The following TTLL5 variants were observed in gnomAD, a reference collection of about 807,000 sequenced individuals.
TTLL5 encodes the protein tubulin polyglutamylase TTLL5.
TTLL5 carries 132 observed loss-of-function variants against 168.4 expected under a neutral mutation model. The ratio of observed to expected loss-of-function variants is 0.78; its 90% CI spans 0.68 to 0.91. The LOEUF (loss-of-function observed/expected upper bound fraction) is 0.91. Among genes scored for constraint, TTLL5 ranks in the 40% least tolerant of loss-of-function variants. TTLL5 has a pLI of 0.00. For synonymous variants in TTLL5, 546 were observed against 558.6 expected, an observed-to-expected ratio of 0.98 and a Z score of 0.32; for missense variants, 1,545 against 1,581.5, an observed-to-expected ratio of 0.98 and a Z score of 0.39.
intron 12 of TTLL5, among the ~76,000 whole-genome samples, chr14:75,730,927 C>T (rs1367117903): frequency 6.6e-6 from 1 of 152,024 alleles, no homozygotes; most frequent in Non-Finnish European, 1.5e-5. Flanking sequence ...ACCATGTTGG[C>T]CAGGGTGGTC....
intron 28 of TTLL5, among the ~76,000 whole-genome samples, chr14:75,833,112 A>T (rs142809678): frequency 6.6e-6 from 1 of 152,204 alleles, no homozygotes; most frequent in Non-Finnish European, 1.5e-5. Context: ...TGCCCTTATC[A>T]GCACCTCTCA....
chr14:75,694,696 A>C (rs902207712), intron 6 of TTLL5, among the ~76,000 whole-genome samples: 4 of 152,226 alleles, frequency 2.6e-5, no homozygotes, highest in Admixed American at 1.3e-4. Context: ...GCAGAGTAAC[A>C]TAAATTGTGA....
At chr14:75,840,576 C>T (rs1456848400) in intron 28 of TTLL5, among the ~76,000 whole-genome samples, 2 of 152,036 alleles carry the variant, frequency 1.3e-5, no homozygotes, top group Non-Finnish European at 2.9e-5. Context: ...GAGGGAACTA[C>T]GCAAGGATGT....
chr14:75,904,199 CTCCA>C, intron 31 of TTLL5: 2 of 1,173,048 alleles, frequency 1.7e-6, no homozygotes, highest in Non-Finnish European at 1.1e-6. Context: ...CACCTCACTC[CTCCA>C]AAAAAAAAAA....
intron 5 of TTLL5, chr14:75,683,917 G>A (rs558395693): frequency 6.2e-6 from 2 of 322,018 alleles, no homozygotes; most frequent in African/African-American, 2.2e-5. Flanking sequence ...GGGAATACAA[G>A]CTTGCACCAC....
At chr14:75,882,624 T>C (rs966765412) in intron 29 of TTLL5, 61 bp from the exon 30 acceptor site, 43 of 1,448,412 alleles carry the variant, frequency 3.0e-5, no homozygotes, top group Non-Finnish European at 4.1e-5. Flanking sequence ...ACTAGTTACA[T>C]ACAGTAAATG....
intron 31 of TTLL5, among the ~76,000 whole-genome samples, chr14:75,935,545 T>TGGGAGGATC (rs1331689182): frequency 8.5e-5 from 13 of 152,176 alleles, no homozygotes; most frequent in Non-Finnish European, 1.8e-4. Context: ...AGATGGATGG[T>TGGGAGGATC]GGGAGGATCC....
Position 75,683,575 on chromosome 14 carries a change from A to G in TTLL5, c.290A>G (p.Asn97Ser). The G allele has an allele frequency of 6.2e-7, 1 of 1,613,874 alleles. No homozygotes were observed. Among genetic ancestry groups the G allele is most frequent in the African/African-American group, 1.3e-5 (1 of 74,974 alleles). ...GTTCACCCAAGCAGCACTGACTATA[A>G]CCTAATGTGGACAGGATCCCACCTG... ...HEVHPSSTDY[N>S]LMWTGSHLKP... Residue 97 changes from asparagine to serine, a missense_variant, in exon 5 of 32, where the codon AAC becomes AGC. Transcript: ENST00000298832.
rs753301288 is a variant in TTLL5, at chr14:75,764,754, A to G, written c.1690A>G (p.Met564Val). 8.1e-6 allele frequency: 13 copies of G among 1,614,044 alleles called. No individual in the cohort carries two copies. Among genetic ancestry groups the G allele is most frequent in the Admixed American group, 1.7e-5 (1 of 60,006 alleles). The part of the protein sequence containing the change: ...RRRRSSRLRA[M>V]RPKYPVITQP... ...ACGACGGAGTAGCAGATTGAGGGCA[A>G]TGAGGCCAAAATACCCAGGTACCTG... The change falls in exon 19 of 32, where the codon ATG becomes GTG. Residue 564 changes from methionine to valine, a missense_variant. Coordinates refer to ENST00000298832, the MANE Select transcript of TTLL5 (RefSeq NM_015072.5).
Position 75,699,241 on chromosome 14 carries a change from A to T in TTLL5, c.556A>T (p.Arg186Trp). Residue 186 changes from arginine (R) to tryptophan (W), a missense_variant, in exon 7 of 32, where the codon AGG becomes TGG. By Grantham distance (101) the Arg-to-Trp change is moderately radical. Transcript: ENST00000298832. ...GATAGTAAAACCAGTGGCATCTTCA[A>T]GGGGGCGGGGCGTCTACCTGATCAA... ...PWIVKPVASS[R>W]GRGVYLINNP... 6.2e-7 allele frequency: 1 copy of T among 1,613,988 alleles called. No individual in the cohort carries two copies. Among genetic ancestry groups the T allele is most frequent in the Non-Finnish European group, 8.5e-7 (1 of 1,179,942 alleles).
chr14:75,715,572 C>T (rs1887387914), intron 9 of TTLL5, among the ~76,000 whole-genome samples: 1 of 152,094 alleles, frequency 6.6e-6, no homozygotes, highest in Non-Finnish European at 1.5e-5. Flanking sequence ...AACATGCACA[C>T]CTTTTCTCTC....
chr14:75,808,322 T>C (rs1214246367), intron 27 of TTLL5, among the ~76,000 whole-genome samples: 1 of 152,210 alleles, frequency 6.6e-6, no homozygotes, highest in East Asian at 1.9e-4. Flanking sequence ...ATTCCCTGCT[T>C]TTCCTGACCC....
chr14:75,675,931 G>C (rs1884113616), intron 3 of TTLL5, among the ~76,000 whole-genome samples: 1 of 152,156 alleles, frequency 6.6e-6, no homozygotes, highest in Non-Finnish European at 1.5e-5. Context: ...TTGCAAGTTG[G>C]AGACCCTGGG....
intron 31 of TTLL5, among the ~76,000 whole-genome samples, chr14:75,928,189 G>A (rs539917971): frequency 9.2e-5 from 14 of 151,796 alleles, no homozygotes; most frequent in South Asian, 4.2e-4. Context: ...TGGCCTAGCC[G>A]CCAGGGTCAT....
At chr14:75,699,331 GT>G in intron 7 of TTLL5, 61 bp downstream of exon 7, 1 of 1,388,962 alleles carries the variant, frequency 7.2e-7, no homozygotes, top group Non-Finnish European at 1.0e-6. Context: ...TTCACCCTTT[GT>G]ATTGGTTACT....
chr14:75,803,576 G>T (rs369366143), intron 27 of TTLL5, among the ~76,000 whole-genome samples: 1 of 152,206 alleles, frequency 6.6e-6, no homozygotes, highest in Non-Finnish European at 1.5e-5. Context: ...GCAGAGAGCA[G>T]GTCAAATTTA....
chr14:75,755,351 T>C (rs1320785371), intron 18 of TTLL5, among the ~76,000 whole-genome samples: 1 of 152,220 alleles, frequency 6.6e-6, no homozygotes, highest in Admixed American at 6.5e-5. Flanking sequence ...CATGCTTACC[T>C]TTTTAGCCTA....
At chr14:75,830,524 CA>C (rs775220964) in intron 28 of TTLL5, among the ~76,000 whole-genome samples, 2 of 152,042 alleles carry the variant, frequency 1.3e-5, no homozygotes, top group Non-Finnish European at 2.9e-5. Flanking sequence ...TAACATATTC[CA>C]AAACATCATG....
intron 6 of TTLL5, among the ~76,000 whole-genome samples, chr14:75,698,857 G>T (rs1166914017): frequency 2.6e-5 from 4 of 151,608 alleles, no homozygotes; most frequent in African/African-American, 9.7e-5. Flanking sequence ...ATAAGCTATG[G>T]AAGCACCACT....
Sources: gnomAD v4.1 joint callset for allele counts (sites outside exome capture counted in the v4.1 genomes callset) on GRCh38, gnomAD v4.1.1 for gene constraint, MANE v1.5 for transcripts, NCBI Gene and HGNC (gene_info 2026-07-23, HGNC 2026-07-21) for gene names.